The following TMEM19 variants were observed in gnomAD, a reference collection of about 807,000 sequenced individuals.
The protein encoded by TMEM19 is transmembrane protein 19.
In TMEM19, 21 loss-of-function variants were observed where a neutral mutation model predicts 33.6. That is an observed-to-expected ratio of 0.62 (90% CI 0.44 to 0.90). The LOEUF (loss-of-function observed/expected upper bound fraction) is 0.90. TMEM19 is among the 40% of genes least tolerant of loss of function. The pLI is 0.00. For synonymous variants in TMEM19, 149 were observed against 147.5 expected (o/e 1.01, Z -0.07); for missense variants, 402 against 401.8 (o/e 1.00, Z 0.00).
chr12:71,697,225 GT>G (rs1881888821), intron 3 of TMEM19, 54 bp from the exon 4 acceptor site: 1 of 1,547,562 alleles, frequency 6.5e-7, no homozygotes, highest in African/African-American at 1.4e-5. Context: ...TAACTGCATG[GT>G]TTTTCTTCTA....
In TMEM19 at chr12:71,694,992, T is replaced by C. The variant is rs117442800; in HGVS notation, c.245-1444T>C. The stretch of plus-strand genomic sequence containing the variant: ...CTGTTAGGTACAGAATTTACCTGTT[T>C]TAGGCTCACAAGGCAACCATAGTCC... On this transcript the variant is annotated intron_variant, in intron 2 of 5. Coordinates refer to ENST00000266673, the MANE Select transcript of TMEM19 (RefSeq NM_018279.4). Among the ~76,000 whole-genome samples, 1,027 of 152,332 alleles carry C rather than the reference T, an allele frequency of 6.7e-3. 10 individuals are homozygous for C. The highest frequency in any genetic ancestry group is 0.027 in the Middle Eastern group (8 of 294).
chr12:71,693,371 G>A (rs550358262), intron 2 of TMEM19, among the ~76,000 whole-genome samples: 33 of 151,966 alleles, frequency 2.2e-4, no homozygotes, highest in Admixed American at 1.7e-3. Context: ...TTTTCTTACT[G>A]TTTGGAACTT....
chr12:71,689,698 C>T lies in TMEM19; in HGVS notation c.238C>T (p.Leu80=), dbSNP rs758433045. Residue 80 remains leucine, a synonymous_variant, in exon 2 of 6, where the codon CTA becomes TTA. Transcript: ENST00000266673. ...KKKSLDHSGA[L]GGLVVGFILT... is the part of the protein sequence containing the mutation. Reference sequence around the variant, plus strand: ...GAAAAGTCTAGATCACAGTGGGGCTCTAGGAGGTATGTTTTTATTTTGAAT... The same window carrying T: ...GAAAAGTCTAGATCACAGTGGGGCTTTAGGAGGTATGTTTTTATTTTGAAT... 1 of 1,608,296 alleles carries T rather than the reference C, an allele frequency of 6.2e-7. No homozygotes were observed. Among genetic ancestry groups the T allele is most frequent in the Admixed American group, 1.7e-5 (1 of 59,808 alleles).
At chr12:71,696,176 A>G (rs147372706) in intron 2 of TMEM19, among the ~76,000 whole-genome samples, 1,742 of 152,238 alleles carry the variant, frequency 0.011, 33 homozygotes, top group African/African-American at 0.04. Flanking sequence ...TTAAATTAAG[A>G]TAATTTTAAA....
At position 71,698,895 on chromosome 12, in the gene TMEM19, T is replaced by C; in HGVS notation, c.638-5T>C. 3 of 1,613,652 alleles carry C rather than the reference T, an allele frequency of 1.9e-6. No homozygotes were observed. The highest frequency in any genetic ancestry group is 2.5e-6 in the Non-Finnish European group (3 of 1,179,632). On this transcript the variant is annotated splice_region_variant and splice_polypyrimidine_tract_variant and intron_variant, in intron 4 of 5. Transcript: ENST00000266673. ...CGGATGATTTTCTGCATGTTTCTTCTTCAGGTACCAATGGAGGAGTTACAG... is the reference window on the plus strand; with the variant it reads ...CGGATGATTTTCTGCATGTTTCTTCCTCAGGTACCAATGGAGGAGTTACAG...
At chr12:71,694,547 C>T (rs964992757) in intron 2 of TMEM19, among the ~76,000 whole-genome samples, 1 of 152,144 alleles carries the variant, frequency 6.6e-6, no homozygotes, top group Non-Finnish European at 1.5e-5. Context: ...GAAGAACTAC[C>T]AGGCAGAAGA....
intron 3 of TMEM19, among the ~76,000 whole-genome samples, chr12:71,696,832 A>G (rs1881881260): frequency 6.6e-6 from 1 of 152,036 alleles, no homozygotes. Flanking sequence ...TATTTTTAGT[A>G]GAGACGGGGT....
chr12:71,695,013 A>G (rs1334568072), intron 2 of TMEM19, among the ~76,000 whole-genome samples: 1 of 152,216 alleles, frequency 6.6e-6, no homozygotes, highest in Admixed American at 6.5e-5. Flanking sequence ...AGGCAACCAT[A>G]GTCCTCAAGT....
At position 71,699,117 on chromosome 12, in the gene TMEM19, C is replaced by A. The variant is rs1485530216; in HGVS notation, c.847+8C>A. The A allele has an allele frequency of 6.2e-7, 1 of 1,613,178 alleles. No individual in the cohort carries two copies. Among genetic ancestry groups the A allele is most frequent in the Admixed American group, 1.7e-5 (1 of 59,994 alleles). ...CTACAATGCAGTATACTGGTAAGAA[C>A]ATTCCTTCATTCTTGCAACTTATTG... On this transcript the variant is annotated splice_region_variant and intron_variant, in intron 5 of 5. Coordinates refer to ENST00000266673, the MANE Select transcript of TMEM19 (RefSeq NM_018279.4).
chr12:71,692,983 C>T (rs1469301964), intron 2 of TMEM19, among the ~76,000 whole-genome samples: 4 of 151,774 alleles, frequency 2.6e-5, no homozygotes, highest in African/African-American at 9.7e-5. Context: ...TCACTTGAGC[C>T]CAGGAGTTTG....
At chr12:71,689,452 A>G (rs1881747216) in intron 1 of TMEM19, 139 bp from the exon 2 acceptor site, 3 of 687,354 alleles carry the variant, frequency 4.4e-6, no homozygotes, top group South Asian at 3.4e-5. Context: ...ATGCATGACT[A>G]TATATTTCTT....
intron 1 of TMEM19, among the ~76,000 whole-genome samples, chr12:71,687,281 A>G (rs972536175): frequency 6.6e-6 from 1 of 152,222 alleles, no homozygotes; most frequent in Non-Finnish European, 1.5e-5. Flanking sequence ...AATTTTGAAT[A>G]AGAATATTAG....
chr12:71,699,199 C>T, intron 5 of TMEM19, 90 bp downstream of exon 5: 1 of 1,402,276 alleles, frequency 7.1e-7, no homozygotes, highest in Non-Finnish European at 1.0e-6. Flanking sequence ...AAAACAAATC[C>T]AAAGACACAG....
At chr12:71,694,619 T>G (rs534262491) in intron 2 of TMEM19, among the ~76,000 whole-genome samples, 1 of 152,334 alleles carries the variant, frequency 6.6e-6, no homozygotes, top group East Asian at 1.9e-4. Context: ...AGAAGTCAGA[T>G]TATAATTAGA....
At chr12:71,691,075 G>A (rs1293906187) in intron 2 of TMEM19, among the ~76,000 whole-genome samples, 1 of 152,074 alleles carries the variant, frequency 6.6e-6, no homozygotes, top group South Asian at 2.1e-4. Context: ...AATTAAATGC[G>A]ATAATTTAAA....
intron 4 of TMEM19, 117 bp from the exon 5 acceptor site, chr12:71,698,783 G>T: frequency 1.2e-6 from 1 of 846,634 alleles, no homozygotes; most frequent in Non-Finnish European, 1.9e-6. Context: ...TCTTTAGATT[G>T]CATTAAAGAG....
chr12:71,694,168 T>TA (rs1302713248), intron 2 of TMEM19, among the ~76,000 whole-genome samples: 2 of 151,984 alleles, frequency 1.3e-5, no homozygotes, highest in African/African-American at 4.8e-5. Flanking sequence ...TAGGCAGGGG[T>TA]TCAGTCACAG....
chr12:71,690,945 A>G (rs757219370), intron 2 of TMEM19, among the ~76,000 whole-genome samples: 17 of 152,210 alleles, frequency 1.1e-4, no homozygotes, highest in Non-Finnish European at 2.1e-4. Flanking sequence ...GGTTTTGTCA[A>G]TTTTGCAAAG....
chr12:71,700,987 AG>A lies in TMEM19; in HGVS notation c.1008del (p.Ter337GlufsTer9). ...AACTGCTGCTTGGGGTTTTTGGCCC[AG>A]GGGGTGAACTTTATTTCATTTCCAC... ...LPTAAWGFWPRG is the reference protein window; with the variant it reads ...LPTAAWGFWPXG On this transcript the variant is annotated frameshift_variant, in exon 6 of 6. Transcript: ENST00000266673. LOFTEE classifies it high-confidence loss of function. The A allele has an allele frequency of 1.2e-6, 2 of 1,608,702 alleles. No individual in the cohort carries two copies. Among genetic ancestry groups the A allele is most frequent in the Non-Finnish European group, 1.7e-6 (2 of 1,177,738 alleles).
Sources: allele counts gnomAD v4.1 joint callset (sites outside exome capture counted in the v4.1 genomes callset), GRCh38; gene constraint gnomAD v4.1.1; transcripts MANE v1.5; gene names NCBI Gene and HGNC (gene_info 2026-07-23, HGNC 2026-07-21).